Variants in CDK8 observed in about 807,000 individuals in gnomAD.
CDK8 encodes the protein cyclin dependent kinase 8.
In CDK8, 29 loss-of-function variants were observed where a neutral mutation model predicts 71.5. The observed-to-expected ratio is 0.41, with a 90% CI of 0.30 to 0.55. The LOEUF is 0.55. Among genes scored for constraint, CDK8 ranks in the 20% least tolerant of loss-of-function variants. The probability of loss-of-function intolerance (pLI) is 0.37; values close to 1 mark genes in which losing one functional copy is unlikely to be tolerated. For missense variants in CDK8, 288 were observed against 572.6 expected (o/e 0.50, Z 5.07); for synonymous variants, 161 against 192.1 (o/e 0.84, Z 1.34).
At chr13:26,270,678 C>T (rs559759445) in intron 1 of CDK8, among the ~76,000 whole-genome samples, 7 of 152,200 alleles carry the variant, frequency 4.6e-5, no homozygotes, top group South Asian at 2.1e-4. Flanking sequence ...CTTAATGAAA[C>T]GTTTTCAAGG....
At chr13:26,358,531 A>G (rs1873996800) in intron 4 of CDK8, among the ~76,000 whole-genome samples, 1 of 152,200 alleles carries the variant, frequency 6.6e-6, no homozygotes, top group South Asian at 2.1e-4. Flanking sequence ...ACTTTCTAAC[A>G]CCGTTGTCAG....
At chr13:26,369,897 T>C (rs1447213132) in intron 4 of CDK8, among the ~76,000 whole-genome samples, 7 of 152,158 alleles carry the variant, frequency 4.6e-5, no homozygotes, top group Admixed American at 4.6e-4. Context: ...TCTTTAGTAA[T>C]TGTTATGCTA....
At chr13:26,277,235 C>T (rs1421784926) in intron 1 of CDK8, among the ~76,000 whole-genome samples, 3 of 152,140 alleles carry the variant, frequency 2.0e-5, no homozygotes, top group Non-Finnish European at 2.9e-5. Flanking sequence ...TATAAAAGCT[C>T]ATGCTGTAAG....
In CDK8 at chr13:26,337,677, A is replaced by G. The variant is rs373797916; in HGVS notation, c.204+35A>G. The stretch of plus-strand genomic sequence containing the variant: ...GTTCTTTTTATCATCGTTATTATCA[A>G]CTGACTTATGAGTACCAACTATATA... On this transcript the variant is annotated intron_variant, in intron 2 of 12. Transcript: ENST00000381527. The G allele has an allele frequency of 5.8e-5, 59 of 1,025,508 alleles. 1 individual carries two copies. The highest frequency in any genetic ancestry group is 5.0e-4 in the South Asian group (22 of 43,852). The allele number at this position is 1,025,508 out of a possible 1,614,324, so 63.5% of individuals were successfully genotyped here.
At chr13:26,371,861 G>A (rs1308547600) in intron 4 of CDK8, among the ~76,000 whole-genome samples, 10 of 151,912 alleles carry the variant, frequency 6.6e-5, no homozygotes, top group Non-Finnish European at 1.0e-4. Flanking sequence ...CAAGTTATCC[G>A]CCCGCCTCAG....
chr13:26,399,408 G>A (rs1257072522), intron 9 of CDK8, among the ~76,000 whole-genome samples: 1 of 152,168 alleles, frequency 6.6e-6, no homozygotes, highest in East Asian at 1.9e-4. Flanking sequence ...TGGAAATGCA[G>A]GCTTTTGGCT....
chr13:26,285,567 C>G (rs1872970101), intron 1 of CDK8, among the ~76,000 whole-genome samples: 1 of 152,118 alleles, frequency 6.6e-6, no homozygotes, highest in Admixed American at 6.5e-5. Context: ...AAACATTTCC[C>G]CTGAGAACTG....
At chr13:26,328,743 T>A (rs930697915) in intron 1 of CDK8, among the ~76,000 whole-genome samples, 4 of 152,246 alleles carry the variant, frequency 2.6e-5, no homozygotes, top group African/African-American at 9.6e-5. Context: ...TTCATTTATT[T>A]GGGATGGGAA....
chr13:26,285,437 C>G (rs545586711), intron 1 of CDK8, among the ~76,000 whole-genome samples: 13 of 152,128 alleles, frequency 8.5e-5, no homozygotes, highest in Non-Finnish European at 1.8e-4. Flanking sequence ...GCAGAAAAAG[C>G]ATTTAACAAT....
intron 1 of CDK8, among the ~76,000 whole-genome samples, chr13:26,337,285 T>G (rs1873035277): frequency 6.6e-6 from 1 of 152,210 alleles, no homozygotes; most frequent in East Asian, 1.9e-4. Flanking sequence ...AGAAGGAATC[T>G]ATTACTGGAA....
chr13:26,278,162 T>C (rs903993734), intron 1 of CDK8, among the ~76,000 whole-genome samples: 16 of 152,248 alleles, frequency 1.1e-4, no homozygotes, highest in Non-Finnish European at 2.4e-4. Context: ...GTGACTTGTA[T>C]GGTCCTGCCA....
chr13:26,393,366 G>A lies in CDK8; in HGVS notation c.647-1G>A, dbSNP rs2138063013. ...TTTTTTTTTTTCTTTTTGTTTTAAA[G>A]ATATTTGGGCTATAGGGTGTATATT... On this transcript the variant is annotated splice_acceptor_variant, in intron 6 of 12. Coordinates refer to ENST00000381527, the MANE Select transcript of CDK8 (RefSeq NM_001260.3). LOFTEE classifies it high-confidence loss of function. The A allele has an allele frequency of 6.9e-7, 1 of 1,438,862 alleles. No individual in the cohort carries two copies. 89.1% of individuals were successfully genotyped at this position (1,438,862 alleles called of 1,614,324 possible).
intron 10 of CDK8, 96 bp downstream of exon 10, chr13:26,400,646 T>C (rs1278675055): frequency 6.5e-6 from 5 of 769,726 alleles, no homozygotes; most frequent in African/African-American, 1.7e-5. Flanking sequence ...TCCTCTTATA[T>C]GGGAACCCAA....
intron 9 of CDK8, among the ~76,000 whole-genome samples, chr13:26,398,793 GAAA>G (rs1350424166): frequency 1.3e-5 from 2 of 151,836 alleles, no homozygotes; most frequent in Non-Finnish European, 2.9e-5. Flanking sequence ...CCAATGTGGT[GAAA>G]CTCCTAAAAA....
At position 26,401,410 on chromosome 13, in the gene CDK8, T is replaced by C; in HGVS notation, c.1111-56T>C. 2 of 1,612,838 alleles carry C rather than the reference T, an allele frequency of 1.2e-6. No homozygotes were observed. Among genetic ancestry groups the C allele is most frequent in the South Asian group, 1.1e-5 (1 of 91,032 alleles). On this transcript the variant is annotated intron_variant, in intron 11 of 12. Coordinates refer to ENST00000381527, the MANE Select transcript of CDK8 (RefSeq NM_001260.3). This position sits in a 1 kb window ranked among gnomAD's most constrained non-coding sequence, Gnocchi z 4.5. ...TGAATGCCTCCATAACATTTTCCATTGTGGGTATATTTTGTTCTCCCTCTG... is the reference window on the plus strand; with the variant it reads ...TGAATGCCTCCATAACATTTTCCATCGTGGGTATATTTTGTTCTCCCTCTG...
intron 6 of CDK8, among the ~76,000 whole-genome samples, chr13:26,389,615 T>C (rs1432144574): frequency 1.3e-5 from 2 of 152,174 alleles, no homozygotes; most frequent in African/African-American, 4.8e-5. Flanking sequence ...GTACACCTGC[T>C]TGCCCAAGAT....
chr13:26,353,227 G>A (rs1170750749), intron 3 of CDK8, among the ~76,000 whole-genome samples: 1 of 152,074 alleles, frequency 6.6e-6, no homozygotes, highest in East Asian at 1.9e-4. Context: ...ATTTTCCTCA[G>A]AATCTTTCCC....
chr13:26,269,216 A>G (rs945975756), intron 1 of CDK8, among the ~76,000 whole-genome samples: 5 of 152,228 alleles, frequency 3.3e-5, no homozygotes, highest in East Asian at 1.9e-4. Flanking sequence ...AAGTACTGCT[A>G]AACATAATTC....
chr13:26,351,894 C>T (rs1409943254), intron 3 of CDK8, among the ~76,000 whole-genome samples: 6 of 151,878 alleles, frequency 4.0e-5, no homozygotes, highest in African/African-American at 1.2e-4. Flanking sequence ...ATCACTTAGG[C>T]GTTGGTGAGA....
Sources: allele counts gnomAD v4.1 joint callset (sites outside exome capture counted in the v4.1 genomes callset), GRCh38; gene constraint gnomAD v4.1.1; non-coding constraint Gnocchi (gnomAD v3.1); transcripts MANE v1.5; gene names NCBI Gene and HGNC (gene_info 2026-07-23, HGNC 2026-07-21).